The following GPBP1 variants were observed in gnomAD, a reference collection of about 807,000 sequenced individuals.
GPBP1 encodes vasculin.
GPBP1 carries 13 observed loss-of-function variants against 56.5 expected under a neutral mutation model. The ratio of observed to expected loss-of-function variants is 0.23; its 90% CI spans 0.15 to 0.37. GPBP1 has a LOEUF of 0.37. Ranked by LOEUF, GPBP1 falls within the 10% of genes least tolerant of loss-of-function variation. GPBP1 has a pLI of 1.00. For synonymous variants in GPBP1, 204 were observed against 188.9 expected, an observed-to-expected ratio of 1.08 and a Z score of -0.66; for missense variants, 477 against 572.3, an observed-to-expected ratio of 0.83 and a Z score of 1.70.
At chr5:57,251,168 C>T (rs542216893) in intron 10 of GPBP1, 27 bp downstream of exon 10, 6 of 1,538,476 alleles carry the variant, frequency 3.9e-6, no homozygotes, top group African/African-American at 2.8e-5. Flanking sequence ...ACTTTTTGCT[C>T]AGCATTTTCT....
rs1756428213 is a variant in GPBP1 at position 57,230,933 on chromosome 5, G to T, written c.151G>T (p.Asp51Tyr). 6.2e-7 allele frequency: 1 copy of T among 1,612,140 alleles called. No homozygotes were observed. Among genetic ancestry groups the T allele is most frequent in the Non-Finnish European group, 8.5e-7 (1 of 1,179,202 alleles). The change falls in exon 4 of 12, where the codon GAT becomes TAT. Residue 51 changes from aspartate to tyrosine, a missense_variant. Physicochemically the swap from Asp to Tyr is radical, Grantham distance 160. Transcript: ENST00000506184. ...DVNRRRHNSS[D>Y]GFDSAIGRPN... ...GAACCGTCGACGACACAACTCTTCA[G>T]ATGGCTTTGATTCTGCTATTGGGCG...
chr5:57,247,029 G>A, intron 7 of GPBP1, 46 bp from the exon 8 acceptor site: 2 of 1,566,352 alleles, frequency 1.3e-6, no homozygotes, highest in South Asian at 1.2e-5. Context: ...TCTTTCTCCT[G>A]TAACCTGTTT....
rs574886885 is a variant in GPBP1 at position 57,216,224 on chromosome 5, G to C, written c.63+2031G>C. Among the ~76,000 whole-genome samples, 3 of 152,284 alleles carry C rather than the reference G, an allele frequency of 2.0e-5. No homozygotes were observed. In the East Asian group the frequency reaches 5.8e-4, roughly 29 times the overall value. On this transcript the variant is annotated intron_variant, in intron 3 of 11. Coordinates refer to ENST00000506184, the MANE Select transcript of GPBP1 (RefSeq NM_022913.4). The stretch of plus-strand genomic sequence containing the variant: ...TAACTTCTTCAGTTGGAATTGGAGA[G>C]GGTGAGAAATGTTGGCAGTCTGCCT...
chr5:57,241,336 T>G (rs1402053314), intron 6 of GPBP1, among the ~76,000 whole-genome samples: 1 of 152,214 alleles, frequency 6.6e-6, no homozygotes, highest in African/African-American at 2.4e-5. Flanking sequence ...CAGTTCCCCG[T>G]CATCACTGCA....
At chr5:57,235,307 A>G (rs1418358016) in intron 5 of GPBP1, among the ~76,000 whole-genome samples, 1 of 150,056 alleles carries the variant, frequency 6.7e-6, no homozygotes, top group African/African-American at 2.4e-5. Flanking sequence ...CTGCATTTCA[A>G]AAAAAAAAAA....
At chr5:57,190,727 A>G (rs1180645149) in intron 2 of GPBP1, among the ~76,000 whole-genome samples, 6 of 74,404 alleles carry the variant, frequency 8.1e-5, no homozygotes, top group African/African-American at 2.6e-4. Context: ...TTTTTTCCTG[A>G]GACAAGGTCT....
At chr5:57,243,830 G>T (rs550091189) in intron 6 of GPBP1, among the ~76,000 whole-genome samples, 1 of 151,782 alleles carries the variant, frequency 6.6e-6, no homozygotes, top group Non-Finnish European at 1.5e-5. Flanking sequence ...GACTACAGGT[G>T]CACATCACTG....
intron 6 of GPBP1, among the ~76,000 whole-genome samples, chr5:57,244,090 T>G (rs1255903161): frequency 6.6e-6 from 1 of 152,218 alleles, no homozygotes; most frequent in Non-Finnish European, 1.5e-5. Context: ...TAAAGTACAT[T>G]CTTTAGAATT....
At chr5:57,187,601 A>G (rs1317637911) in intron 2 of GPBP1, among the ~76,000 whole-genome samples, 1 of 152,192 alleles carries the variant, frequency 6.6e-6, no homozygotes, top group Admixed American at 6.6e-5. Flanking sequence ...GTTTCATGCC[A>G]TCTGTTACAT....
chr5:57,202,225 T>C (rs1755050629), intron 2 of GPBP1, among the ~76,000 whole-genome samples: 1 of 152,042 alleles, frequency 6.6e-6, no homozygotes, highest in African/African-American at 2.4e-5. Flanking sequence ...GCCCAAGCAG[T>C]CGGGCTGCCT....
chr5:57,201,663 TAGTA>T (rs1372357901), intron 2 of GPBP1, among the ~76,000 whole-genome samples: 2 of 152,250 alleles, frequency 1.3e-5, no homozygotes, highest in Admixed American at 6.5e-5. Context: ...TTTTACTTGA[TAGTA>T]AGTAAACATT....
intron 8 of GPBP1, among the ~76,000 whole-genome samples, chr5:57,247,676 C>T: frequency 6.6e-6 from 1 of 152,004 alleles, no homozygotes; most frequent in Non-Finnish European, 1.5e-5. Flanking sequence ...CAGAGTGAGA[C>T]CCTGTCTCAA....
At chr5:57,220,804 C>A (rs1278099282) in intron 3 of GPBP1, among the ~76,000 whole-genome samples, 2 of 151,666 alleles carry the variant, frequency 1.3e-5, no homozygotes, top group Admixed American at 1.3e-4. Context: ...TGTTTCTTTG[C>A]CCAAAGTGGT....
At position 57,247,624 on chromosome 5, in the gene GPBP1, G is replaced by T. The variant is rs535115572; in HGVS notation, c.804+409G>T. On this transcript the variant is annotated intron_variant, in intron 8 of 11. Coordinates refer to ENST00000506184, the MANE Select transcript of GPBP1 (RefSeq NM_022913.4). ...ACCTGAGCCTGGGAATGTCAAGGCT[G>T]CAGCAAGCTGTGATTGTGCCACTGT... Among the ~76,000 whole-genome samples the T allele has an allele frequency of 2.0e-5, 3 of 152,248 alleles. No homozygotes were observed. The South Asian group carries it at 6.2e-4, about 32-fold the overall frequency.
rs188169467 is a variant in GPBP1 at position 57,175,092 on chromosome 5, G to T, written c.-1010-356G>T. Among the ~76,000 whole-genome samples the T allele has an allele frequency of 2.6e-3, 399 of 152,326 alleles. 6 individuals are homozygous for T. The highest frequency in any genetic ancestry group is 2.0e-3 in the Non-Finnish European group (133 of 68,032). On this transcript the variant is annotated intron_variant, in intron 1 of 11. Coordinates refer to ENST00000506184, the MANE Select transcript of GPBP1 (RefSeq NM_022913.4). ...TTCCTTGGTCCATCGAAGAGGGTTGGAGATCTTTTGTAAGATTATGTGTCA... is the reference window on the plus strand; with the variant it reads ...TTCCTTGGTCCATCGAAGAGGGTTGTAGATCTTTTGTAAGATTATGTGTCA...
At chr5:57,195,022 G>A (rs1402621441) in intron 2 of GPBP1, among the ~76,000 whole-genome samples, 4 of 151,950 alleles carry the variant, frequency 2.6e-5, no homozygotes, top group Non-Finnish European at 4.4e-5. Flanking sequence ...ATACCCAGCA[G>A]TGGGCTTGCT....
chr5:57,176,739 A>G (rs749474436), intron 2 of GPBP1, among the ~76,000 whole-genome samples: 11 of 152,222 alleles, frequency 7.2e-5, no homozygotes, highest in Non-Finnish European at 8.8e-5. Flanking sequence ...AAAATGCAAC[A>G]AATAATTCAC....
At chr5:57,204,466 G>A (rs189056810) in intron 2 of GPBP1, among the ~76,000 whole-genome samples, 3 of 152,176 alleles carry the variant, frequency 2.0e-5, no homozygotes, top group African/African-American at 4.8e-5. Flanking sequence ...TGACCAGGCT[G>A]GTCTCAAACT....
chr5:57,183,907 C>T (rs1754175091), intron 2 of GPBP1, among the ~76,000 whole-genome samples: 1 of 151,776 alleles, frequency 6.6e-6, no homozygotes, highest in African/African-American at 2.4e-5. Context: ...TTCTAAGTAG[C>T]TGGGACCACA....
Sources: gnomAD v4.1 joint callset for allele counts (sites outside exome capture counted in the v4.1 genomes callset) on GRCh38, gnomAD v4.1.1 for gene constraint, MANE v1.5 for transcripts, NCBI Gene and HGNC (gene_info 2026-07-23, HGNC 2026-07-21) for gene names.